TNPO1: variants seen among roughly 807,000 people sequenced by gnomAD.
The protein encoded by TNPO1 is transportin-1.
Under a neutral mutation model 119.5 loss-of-function variants are expected in TNPO1, and 8 were observed. The ratio of observed to expected loss-of-function variants is 0.07; its 90% CI spans 0.04 to 0.12. The LOEUF is 0.12. TNPO1 is among the 10% of genes least tolerant of loss of function. The pLI, the probability that TNPO1 is intolerant of heterozygous loss-of-function variation, is 1.00. For synonymous variants in TNPO1, 362 were observed against 363.0 expected, an observed-to-expected ratio of 1.00 and a Z score of 0.03; for missense variants, 576 against 1,089.8, an observed-to-expected ratio of 0.53 and a Z score of 6.64.
chr5:72,873,026 T>C lies in TNPO1; in HGVS notation c.678+306T>C, dbSNP rs191289296. On this transcript the variant is annotated intron_variant, in intron 7 of 24. Transcript: ENST00000337273. ...TTTTCCTTCAATATACTGTTCAAAT[T>C]GCATATGGAAACCAAGTCCCTCAGC... Among the ~76,000 whole-genome samples, 380 of 152,194 alleles carry C rather than the reference T, an allele frequency of 2.5e-3. 1 individual carries two copies. The highest frequency in any genetic ancestry group is 6.8e-3 in the Middle Eastern group (2 of 294).
rs1750588178 is a variant in TNPO1, at chr5:72,911,889, A to G, written c.*3216A>G. On this transcript the variant is annotated 3_prime_UTR_variant, in exon 25 of 25. Coordinates refer to ENST00000337273, the MANE Select transcript of TNPO1 (RefSeq NM_002270.4). The stretch of plus-strand genomic sequence containing the variant: ...TCTCTCTTTGAAGGATTCTAACAGA[A>G]CAAAGCTGCTGATCAACCTAAGTTG... The G allele has an allele frequency of 1.3e-5, 2 of 152,520 alleles. No homozygotes were observed. Among genetic ancestry groups the G allele is most frequent in the South Asian group, 4.1e-4 (2 of 4,834 alleles). The allele number at this position is 152,520 out of a possible 1,614,324, so 9.4% of individuals were successfully genotyped here. A position where few individuals can be genotyped will look rare whatever the true frequency, so the allele number is the denominator to read the frequency against.
intron 9 of TNPO1, among the ~76,000 whole-genome samples, chr5:72,881,636 A>G (rs947251547): frequency 2.0e-5 from 3 of 152,208 alleles, no homozygotes; most frequent in Non-Finnish European, 4.4e-5. Flanking sequence ...CACCAAGAGC[A>G]ACTGTTTGAA....
intron 3 of TNPO1, among the ~76,000 whole-genome samples, chr5:72,851,624 C>T (rs1258722267): frequency 1.3e-5 from 2 of 152,074 alleles, no homozygotes; most frequent in Non-Finnish European, 2.9e-5. Flanking sequence ...CCCTAGTAGC[C>T]GGGATTACAG....
chr5:72,908,414 G>GAAAA (rs1244325915), intron 24 of TNPO1, among the ~76,000 whole-genome samples: 1 of 152,128 alleles, frequency 6.6e-6, no homozygotes, highest in Non-Finnish European at 1.5e-5. Flanking sequence ...GAATTAGACT[G>GAAAA]ATAGCATCAT....
intron 5 of TNPO1, 80 bp from the exon 6 acceptor site, chr5:72,865,516 A>G (rs768040971): frequency 3.3e-5 from 48 of 1,476,810 alleles, no homozygotes; most frequent in Non-Finnish European, 3.1e-5. Flanking sequence ...AGTCCATACA[A>G]ATTAATCAGC....
intron 11 of TNPO1, among the ~76,000 whole-genome samples, chr5:72,883,667 C>G (rs929830016): frequency 2.0e-5 from 3 of 152,292 alleles, no homozygotes; most frequent in Middle Eastern, 3.4e-3. Context: ...TTGTGTTTCT[C>G]TTTTTGTAGC....
chr5:72,909,222 T>G lies in TNPO1; in HGVS notation c.*549T>G, dbSNP rs920909847. On this transcript the variant is annotated 3_prime_UTR_variant, in exon 25 of 25. Transcript: ENST00000337273. ...AAGAACTACACAAAGAAAACTAATA[T>G]AGTTAAAAGTCAGCTTGCCTTCCCG... 1 of 152,198 alleles carries G rather than the reference T, an allele frequency of 6.6e-6. No homozygotes were observed. The highest frequency in any genetic ancestry group is 2.4e-5 in the African/African-American group (1 of 41,214). 9.4% of individuals were successfully genotyped at this position (152,198 alleles called of 1,614,324 possible).
chr5:72,824,519 C>T (rs554751127), intron 1 of TNPO1, among the ~76,000 whole-genome samples: 2 of 152,196 alleles, frequency 1.3e-5, no homozygotes, highest in African/African-American at 2.4e-5. Flanking sequence ...TGTGACCTGT[C>T]AGCAGCATTT....
chr5:72,855,067 C>G (rs2112277998), intron 3 of TNPO1, among the ~76,000 whole-genome samples: 1 of 152,120 alleles, frequency 6.6e-6, no homozygotes, highest in African/African-American at 2.4e-5. Flanking sequence ...CTTGGCTTCT[C>G]TGCTTGCAGC....
chr5:72,905,955 C>T (rs1490483420), intron 24 of TNPO1, among the ~76,000 whole-genome samples: 2 of 152,052 alleles, frequency 1.3e-5, no homozygotes, highest in East Asian at 3.9e-4. Flanking sequence ...TTAATAGAAC[C>T]AACAAGCCCA....
intron 1 of TNPO1, among the ~76,000 whole-genome samples, chr5:72,820,360 T>A (rs565528171): frequency 1.3e-5 from 2 of 152,286 alleles, no homozygotes; most frequent in South Asian, 4.1e-4. Flanking sequence ...CAAATTGCTT[T>A]TACTTAAGGG....
chr5:72,865,552 T>G, intron 5 of TNPO1, 44 bp from the exon 6 acceptor site: 1 of 1,603,630 alleles, frequency 6.2e-7, no homozygotes, highest in African/African-American at 1.3e-5. Flanking sequence ...TTCAAATGGC[T>G]TCATTTTTAA....
intron 24 of TNPO1, among the ~76,000 whole-genome samples, chr5:72,907,338 T>G (rs1379634873): frequency 1.3e-5 from 2 of 152,204 alleles, no homozygotes; most frequent in Non-Finnish European, 2.9e-5. Context: ...AATTAACTGT[T>G]CTAAGACAAG....
At chr5:72,844,569 C>T (rs1473649529) in intron 1 of TNPO1, among the ~76,000 whole-genome samples, 1 of 152,228 alleles carries the variant, frequency 6.6e-6, no homozygotes, top group African/African-American at 2.4e-5. Flanking sequence ...TAGATTTTAT[C>T]TTGCAGATGC....
At chr5:72,833,923 A>AT (rs1252132275) in intron 1 of TNPO1, among the ~76,000 whole-genome samples, 1 of 152,014 alleles carries the variant, frequency 6.6e-6, no homozygotes, top group Non-Finnish European at 1.5e-5. Context: ...GTTCCTACTG[A>AT]TTTTTTCCCA....
intron 14 of TNPO1, among the ~76,000 whole-genome samples, chr5:72,890,665 A>G (rs931004414): frequency 1.9e-4 from 29 of 151,994 alleles, no homozygotes; most frequent in South Asian, 4.1e-4. Context: ...TGTTTTCTGA[A>G]TGTCTTTAGA....
rs1420191967 is a variant in TNPO1 at position 72,828,153 on chromosome 5, TGTG to T, written c.15+11405_15+11407del. 2.6e-5 allele frequency among the ~76,000 whole-genome samples: 4 copies of T among 152,086 alleles called. No individual in the cohort carries two copies. The East Asian group carries it at 5.8e-4, about 22-fold the overall frequency. ...TGAGATACGAGGAGAACCAGTGAGA[TGTG>T]GTGCCATAAGAGGTGAAACAGTGGT... On this transcript the variant is annotated intron_variant, in intron 1 of 24. Transcript: ENST00000337273.
intron 1 of TNPO1, among the ~76,000 whole-genome samples, chr5:72,835,013 A>G (rs1308164025): frequency 6.6e-6 from 1 of 152,208 alleles, no homozygotes; most frequent in African/African-American, 2.4e-5. Flanking sequence ...GCAACATGCT[A>G]TACAGGTTTG....
intron 1 of TNPO1, among the ~76,000 whole-genome samples, chr5:72,817,159 C>A (rs1195109537): frequency 6.6e-6 from 1 of 152,228 alleles, no homozygotes; most frequent in Non-Finnish European, 1.5e-5. Context: ...GGGCGCTGGC[C>A]GGCGCTGCCC....
Sources: allele counts gnomAD v4.1 joint callset (sites outside exome capture counted in the v4.1 genomes callset), GRCh38; gene constraint gnomAD v4.1.1; transcripts MANE v1.5; gene names NCBI Gene and HGNC (gene_info 2026-07-23, HGNC 2026-07-21).